Variants in PDE1A observed in about 807,000 individuals in gnomAD.
The protein encoded by PDE1A is dual specificity calcium/calmodulin-dependent 3',5'-cyclic nucleotide phosphodiesterase 1A.
PDE1A carries 35 observed loss-of-function variants against 61.7 expected under a neutral mutation model. The observed-to-expected ratio is 0.57, with a 90% CI of 0.43 to 0.75. The LOEUF is 0.75. Ranked by LOEUF, PDE1A falls within the 30% of genes least tolerant of loss-of-function variation. PDE1A has a pLI of 0.00. For missense variants in PDE1A, 597 were observed against 630.6 expected (o/e 0.95, Z 0.57); for synonymous variants, 232 against 213.2 (o/e 1.09, Z -0.77).
At chr2:182,353,668 GTTTATA>G (rs925395154) in intron 1 of PDE1A, among the ~76,000 whole-genome samples, 37 of 152,070 alleles carry the variant, frequency 2.4e-4, no homozygotes, top group Non-Finnish European at 3.5e-4. Flanking sequence ...TAAAATAAAA[GTTTATA>G]TTTGTAATAT....
chr2:182,159,503 G>A (rs1025598035), intron 13 of PDE1A, among the ~76,000 whole-genome samples: 15 of 152,180 alleles, frequency 9.9e-5, no homozygotes, highest in Non-Finnish European at 1.8e-4. Context: ...CAGTTCACTC[G>A]ACTGATTGAT....
chr2:182,631,192 C>A, the PDE1A span, among the ~76,000 whole-genome samples: 8 of 152,100 alleles, frequency 5.3e-5, no homozygotes, highest in Admixed American at 5.2e-4. Flanking sequence ...AAATCTGAAG[C>A]CCTTAGAACC....
At chr2:182,483,873 G>C (rs1327347557) in intron 2 of PDE1A, among the ~76,000 whole-genome samples, 3 of 151,840 alleles carry the variant, frequency 2.0e-5, no homozygotes, top group African/African-American at 7.2e-5. Flanking sequence ...TTTACCTGTA[G>C]CTATGTTAAC....
intron 2 of PDE1A, among the ~76,000 whole-genome samples, chr2:182,248,395 C>A (rs1248399339): frequency 1.3e-5 from 2 of 151,880 alleles, no homozygotes; most frequent in African/African-American, 4.8e-5. Context: ...GTTTTTGTCC[C>A]AGTGGAGTCA....
chr2:182,167,641 C>T (rs1042507207), downstream of PDE1A, among the ~76,000 whole-genome samples: 12 of 152,076 alleles, frequency 7.9e-5, no homozygotes, highest in Non-Finnish European at 2.9e-5. Flanking sequence ...TTGGTACACA[C>T]TGGAGACTGT....
upstream of PDE1A, among the ~76,000 whole-genome samples, chr2:182,527,803 T>C (rs1237611715): frequency 6.6e-6 from 1 of 152,048 alleles, no homozygotes; most frequent in Non-Finnish European, 1.5e-5. Flanking sequence ...TGGTTTCCCT[T>C]ACACTGTTTT....
intron 1 of PDE1A, among the ~76,000 whole-genome samples, chr2:182,362,338 G>T (rs769072626): frequency 6.6e-6 from 1 of 151,758 alleles, no homozygotes; most frequent in Non-Finnish European, 1.5e-5. Context: ...GCAGTAGCAC[G>T]GGAAAAAAGT....
At chr2:182,384,795 T>C (rs989199604) in intron 1 of PDE1A, among the ~76,000 whole-genome samples, 2 of 152,088 alleles carry the variant, frequency 1.3e-5, no homozygotes, top group East Asian at 1.9e-4. Context: ...TGGAGAAAGA[T>C]GTAAATATTG....
At chr2:182,551,904 G>A in the PDE1A span, among the ~76,000 whole-genome samples, 1 of 152,120 alleles carries the variant, frequency 6.6e-6, no homozygotes, top group East Asian at 1.9e-4. Context: ...CCTCTTTCAA[G>A]AAGGGGGAGT....
At chr2:182,462,269 C>A (rs986106807) in intron 2 of PDE1A, among the ~76,000 whole-genome samples, 4 of 151,510 alleles carry the variant, frequency 2.6e-5, no homozygotes, top group African/African-American at 9.7e-5. Context: ...CAAACCTGCA[C>A]GTTGTGCACA....
At chr2:182,307,061 T>C (rs577312336) in intron 1 of PDE1A, among the ~76,000 whole-genome samples, 1 of 152,288 alleles carries the variant, frequency 6.6e-6, no homozygotes, top group South Asian at 2.1e-4. Flanking sequence ...GTTAAGTGGT[T>C]AATATGTATA....
chr2:182,610,750 T>C, the PDE1A span, among the ~76,000 whole-genome samples: 3 of 151,810 alleles, frequency 2.0e-5, no homozygotes, highest in East Asian at 5.8e-4. Context: ...TTATAACAAA[T>C]TTATAAAACT....
chr2:182,709,511 A>C, the PDE1A span, among the ~76,000 whole-genome samples: 9 of 152,242 alleles, frequency 5.9e-5, no homozygotes, highest in Non-Finnish European at 1.0e-4. Flanking sequence ...ATAGTAGACC[A>C]ACCAATGAAA....
At chr2:182,462,105 T>C (rs1482753166) in intron 2 of PDE1A, among the ~76,000 whole-genome samples, 1 of 149,486 alleles carries the variant, frequency 6.7e-6, no homozygotes, top group African/African-American at 2.5e-5. Flanking sequence ...AATTGAACAA[T>C]GAGAGCACTT....
intron 2 of PDE1A, among the ~76,000 whole-genome samples, chr2:182,521,674 TTATGTACTATGGAC>T (rs759255947): frequency 2.6e-5 from 4 of 152,256 alleles, no homozygotes; most frequent in Non-Finnish European, 5.9e-5. Context: ...CTAAGGGCTA[TTATGTACTATGGAC>T]TATTCTGTAC....
the PDE1A span, among the ~76,000 whole-genome samples, chr2:182,686,912 C>T: frequency 6.6e-5 from 10 of 152,310 alleles, no homozygotes; most frequent in East Asian, 1.7e-3. Context: ...GGTCCCATGC[C>T]CATGGAGCCT....
chr2:182,568,207 T>G, the PDE1A span, among the ~76,000 whole-genome samples: 1 of 152,166 alleles, frequency 6.6e-6, no homozygotes, highest in South Asian at 2.1e-4. Flanking sequence ...AATTTTTGGT[T>G]TTTAATCTGT....
chr2:182,323,862 C>T (rs572993293), intron 1 of PDE1A, among the ~76,000 whole-genome samples: 118 of 152,304 alleles, frequency 7.7e-4, no homozygotes, highest in African/African-American at 2.8e-3. Flanking sequence ...AGCAGACCAG[C>T]GTGTCAGTGT....
the PDE1A span, among the ~76,000 whole-genome samples, chr2:182,639,061 AGAG>A: frequency 2.6e-5 from 4 of 152,372 alleles, no homozygotes; most frequent in Non-Finnish European, 5.9e-5. Flanking sequence ...AGAAACAGAA[AGAG>A]CAGGAAAACT....
Sources: gnomAD v4.1 joint callset for allele counts (sites outside exome capture counted in the v4.1 genomes callset) on GRCh38, gnomAD v4.1.1 for gene constraint, MANE v1.5 for transcripts, NCBI Gene and HGNC (gene_info 2026-07-23, HGNC 2026-07-21) for gene names.